RHOQ: variants seen among roughly 807,000 people sequenced by gnomAD.
The protein encoded by RHOQ is ras homolog family member Q.
A neutral mutation model predicts 25.8 loss-of-function variants in RHOQ; 7 were observed. The ratio of observed to expected loss-of-function variants is 0.27; its 90% confidence interval spans 0.15 to 0.51. RHOQ has a LOEUF of 0.51. Ranked by LOEUF, RHOQ falls within the 20% of genes least tolerant of loss-of-function variation. The pLI is 0.97. For missense variants in RHOQ, 165 were observed against 260.6 expected, an observed-to-expected ratio of 0.63 and a Z score of 2.53; for synonymous variants, 97 against 98.6, an observed-to-expected ratio of 0.98 and a Z score of 0.10.
intron 2 of RHOQ, among the ~76,000 whole-genome samples, chr2:46,553,799 G>A (rs1057268664): frequency 7.9e-5 from 12 of 152,012 alleles, no homozygotes; most frequent in Admixed American, 6.5e-4. Flanking sequence ...GGCTGGTCCC[G>A]AACTTCTGAC....
intron 2 of RHOQ, among the ~76,000 whole-genome samples, chr2:46,547,860 G>C (rs978105772): frequency 6.6e-6 from 1 of 152,218 alleles, no homozygotes; most frequent in African/African-American, 2.4e-5. Flanking sequence ...CTCCCTCTCT[G>C]TCCAGACAGG....
intron 2 of RHOQ, among the ~76,000 whole-genome samples, chr2:46,571,682 C>T (rs1220460835): frequency 2.0e-5 from 3 of 152,092 alleles, no homozygotes; most frequent in Non-Finnish European, 4.4e-5. Context: ...TCTTGAATTC[C>T]CAACTAAACT....
intron 2 of RHOQ, among the ~76,000 whole-genome samples, chr2:46,550,240 A>T (rs890851222): frequency 8.7e-5 from 12 of 137,768 alleles, no homozygotes; most frequent in African/African-American, 1.9e-4. Context: ...GTGTTTATTT[A>T]AAAAAAAAAA....
intron 4 of RHOQ, among the ~76,000 whole-genome samples, chr2:46,578,420 C>T (rs1205833975): frequency 6.6e-6 from 1 of 151,472 alleles, no homozygotes; most frequent in Non-Finnish European, 1.5e-5. Context: ...TAACACTGCA[C>T]AACATGGTAA....
At chr2:46,562,276 C>G (rs1279444389) in intron 2 of RHOQ, among the ~76,000 whole-genome samples, 1 of 152,094 alleles carries the variant, frequency 6.6e-6, no homozygotes, top group African/African-American at 2.4e-5. Flanking sequence ...AGCTGCTGCC[C>G]TCACTGCCCT....
rs149566233 is a variant in RHOQ at position 46,563,823 on chromosome 2, T to A, written c.202-12264T>A. ...TGTGTATTTCTTTCCTCTTTTTTTC[T>A]CTTTTTCTTAATGGAGACAGGGTCT... On this transcript the variant is annotated intron_variant, in intron 2 of 4. Transcript: ENST00000238738. Among the ~76,000 whole-genome samples the A allele has an allele frequency of 6.9e-3, 1,054 of 152,112 alleles. 11 individuals carry two copies. The highest frequency in any genetic ancestry group is 0.023 in the African/African-American group (941 of 41,522).
intron 2 of RHOQ, among the ~76,000 whole-genome samples, chr2:46,571,181 C>T (rs925112906): frequency 7.9e-5 from 12 of 152,182 alleles, no homozygotes; most frequent in Non-Finnish European, 1.2e-4. Flanking sequence ...TTATATTTAC[C>T]ACATTCTAAC....
chr2:46,574,775 T>G (rs1393382276), intron 2 of RHOQ, among the ~76,000 whole-genome samples: 1 of 152,162 alleles, frequency 6.6e-6, no homozygotes, highest in Non-Finnish European at 1.5e-5. Context: ...TAGTTGAAAG[T>G]TATATTATGA....
chr2:46,565,134 A>G (rs895354565), intron 2 of RHOQ, among the ~76,000 whole-genome samples: 4 of 152,218 alleles, frequency 2.6e-5, no homozygotes, highest in African/African-American at 9.7e-5. Context: ...CTCTGATTGG[A>G]CAACCCAGAT....
intron 2 of RHOQ, among the ~76,000 whole-genome samples, chr2:46,559,319 A>G (rs1668498629): frequency 1.3e-5 from 2 of 152,132 alleles, no homozygotes. Context: ...ATGGTATATC[A>G]TCTCTGATTT....
intron 2 of RHOQ, chr2:46,568,905 T>G (rs1297858906): frequency 2.0e-5 from 3 of 152,236 alleles, no homozygotes; most frequent in African/African-American, 7.2e-5. Context: ...AACATGAAAT[T>G]TGTGCCAAAA....
chr2:46,576,457 G>C lies in RHOQ; in HGVS notation c.367-104G>C, dbSNP rs1242936976. On this transcript the variant is annotated intron_variant, in intron 3 of 4. Coordinates refer to ENST00000238738, the MANE Select transcript of RHOQ (RefSeq NM_012249.4). The surrounding 1 kb of genome is among the most constrained non-coding windows in gnomAD (Gnocchi z 5.1). ...TGGTTTTTAAAAATTAAGTTCTTTTGTTTAATCTTTTTTTGGTATGTGGGA... is the reference window on the plus strand; with the variant it reads ...TGGTTTTTAAAAATTAAGTTCTTTTCTTTAATCTTTTTTTGGTATGTGGGA... The C allele has an allele frequency of 1.1e-6, 1 of 919,084 alleles. No individual in the cohort carries two copies. Among genetic ancestry groups the C allele is most frequent in the Non-Finnish European group, 1.6e-6 (1 of 609,498 alleles). 56.9% of individuals were successfully genotyped at this position (919,084 alleles called of 1,614,324 possible). A position where few individuals can be genotyped will look rare whatever the true frequency, so the allele number is the denominator to read the frequency against.
Position 46,576,333 on chromosome 2 carries a change from A to T in RHOQ, c.366+82A>T. ...GCTGCTCTCAGACAAACAGTCCCAA[A>T]GCTGAGCAAATGATGTAAGTGTTTA... On this transcript the variant is annotated intron_variant, in intron 3 of 4. Transcript: ENST00000238738. The surrounding 1 kb of genome is among the most constrained non-coding windows in gnomAD (Gnocchi z 5.1). 1.6e-6 allele frequency: 2 copies of T among 1,213,756 alleles called. No individual in the cohort carries two copies. The highest frequency in any genetic ancestry group is 1.5e-5 in the African/African-American group (1 of 65,570). 75.2% of individuals were successfully genotyped at this position (1,213,756 alleles called of 1,614,324 possible).
chr2:46,548,376 G>C lies in RHOQ; in HGVS notation c.201+4564G>C, dbSNP rs976902814. Among the ~76,000 whole-genome samples, 2 of 152,176 alleles carry C rather than the reference G, an allele frequency of 1.3e-5. No individual in the cohort carries two copies. Among genetic ancestry groups the C allele is most frequent in the African/African-American group, 2.4e-5 (1 of 41,426 alleles). ...GCATTTTAGCAGAAGGGCCTGGCAT[G>C]ATGAGAAAAGGGAAGGAGAAAGGGC... On this transcript the variant is annotated intron_variant, in intron 2 of 4. Coordinates refer to ENST00000238738, the MANE Select transcript of RHOQ (RefSeq NM_012249.4). The surrounding 1 kb of genome is among the most constrained non-coding windows in gnomAD (Gnocchi z 5.2).
Position 46,576,060 on chromosome 2 carries a change from A to G in RHOQ, c.202-27A>G, listed in dbSNP as rs1435478424. ...TAGTAAACAATAGAAATGTAAATAC[A>G]TAATGAGGCTTTTCTTTGTTCCTCA... On this transcript the variant is annotated intron_variant, in intron 2 of 4. Transcript: ENST00000238738. This position sits in a 1 kb window ranked among gnomAD's most constrained non-coding sequence, Gnocchi z 5.1. 5 of 1,567,736 alleles carry G rather than the reference A, an allele frequency of 3.2e-6. No homozygotes were observed. Among genetic ancestry groups the G allele is most frequent in the Non-Finnish European group, 4.3e-6 (5 of 1,160,664 alleles).
In RHOQ at chr2:46,581,614, C is replaced by A; in HGVS notation, c.*531C>A. On this transcript the variant is annotated 3_prime_UTR_variant, in exon 5 of 5. Transcript: ENST00000238738. Reference sequence around the variant, plus strand: ...TACCTGAGGAGAGAATGTATGAGATCAAAAAAGAACAAATGTTTTATTATT... The same window carrying A: ...TACCTGAGGAGAGAATGTATGAGATAAAAAAAGAACAAATGTTTTATTATT... 8 of 1,600,512 alleles carry A rather than the reference C, an allele frequency of 5.0e-6. No individual in the cohort carries two copies. Among genetic ancestry groups the A allele is most frequent in the South Asian group, 2.2e-5 (2 of 89,252 alleles).
chr2:46,546,490 A>G (rs1395583505), intron 2 of RHOQ, among the ~76,000 whole-genome samples: 1 of 21,204 alleles, frequency 4.7e-5, no homozygotes, highest in Non-Finnish European at 7.7e-5. Flanking sequence ...ATATATATAT[A>G]TATATATATA....
At chr2:46,553,261 G>T (rs150126897) in intron 2 of RHOQ, among the ~76,000 whole-genome samples, 4 of 146,594 alleles carry the variant, frequency 2.7e-5, no homozygotes, top group African/African-American at 7.5e-5. Context: ...CACATCCACC[G>T]CTGTCTTACA....
In RHOQ at chr2:46,566,325, G is replaced by A. The variant is rs1294727715; in HGVS notation, c.202-9762G>A. Among the ~76,000 whole-genome samples, 1 of 152,086 alleles carries A rather than the reference G, an allele frequency of 6.6e-6. No individual in the cohort carries two copies. Among genetic ancestry groups the A allele is most frequent in the Admixed American group, 6.5e-5 (1 of 15,268 alleles). ...AGAGACCTCCTCTGACCACCTGCTTGACATCTCAAGCTTAACACGTCCCAA... is the reference window on the plus strand; with the variant it reads ...AGAGACCTCCTCTGACCACCTGCTTAACATCTCAAGCTTAACACGTCCCAA... On this transcript the variant is annotated intron_variant, in intron 2 of 4. Coordinates refer to ENST00000238738, the MANE Select transcript of RHOQ (RefSeq NM_012249.4). This position sits in a 1 kb window ranked among gnomAD's most constrained non-coding sequence, Gnocchi z 4.2.
Sources: allele counts gnomAD v4.1 joint callset (sites outside exome capture counted in the v4.1 genomes callset), GRCh38; gene constraint gnomAD v4.1.1; non-coding constraint Gnocchi (gnomAD v3.1); transcripts MANE v1.5; gene names NCBI Gene and HGNC (gene_info 2026-07-23, HGNC 2026-07-21).